The following TMEM132B variants were observed in gnomAD, a reference collection of about 807,000 sequenced individuals.
TMEM132B encodes transmembrane protein 132B.
Under a neutral mutation model 90.8 loss-of-function variants are expected in TMEM132B, and 18 were observed. The ratio of observed to expected loss-of-function variants is 0.20; its 90% CI spans 0.14 to 0.29. The LOEUF (loss-of-function observed/expected upper bound fraction) is 0.29. TMEM132B is among the 10% of genes least tolerant of loss of function. TMEM132B has a pLI of 1.00. For missense variants in TMEM132B, 1,096 were observed against 1,326.8 expected, an observed-to-expected ratio of 0.83 and a Z score of 2.70; for synonymous variants, 504 against 523.3, an observed-to-expected ratio of 0.96 and a Z score of 0.50.
chr12:125,505,189 A>AAAC (rs1882813300), intron 3 of TMEM132B, among the ~76,000 whole-genome samples: 1 of 145,548 alleles, frequency 6.9e-6, no homozygotes, highest in Non-Finnish European at 1.5e-5. Flanking sequence ...AAAAAAAAAA[A>AAAC]AAAAAACAGT....
chr12:125,506,991 G>A (rs1882862726), intron 3 of TMEM132B, among the ~76,000 whole-genome samples: 1 of 152,274 alleles, frequency 6.6e-6, no homozygotes, highest in Non-Finnish European at 1.5e-5. Flanking sequence ...GCAGGGCAGA[G>A]GGAAACTCCT....
chr12:125,431,302 T>TG (rs939576585), intron 3 of TMEM132B, among the ~76,000 whole-genome samples: 3 of 152,024 alleles, frequency 2.0e-5, no homozygotes, highest in Admixed American at 6.6e-5. Flanking sequence ...GCCTTGGTAA[T>TG]GGGGGGTCCC....
intron 1 of TMEM132B, among the ~76,000 whole-genome samples, chr12:125,268,202 C>T (rs1030526738): frequency 7.9e-5 from 12 of 152,316 alleles, no homozygotes; most frequent in African/African-American, 2.4e-4. Flanking sequence ...AATTGGGACT[C>T]GGCTTTTATA....
In TMEM132B at chr12:125,188,091, A is replaced by G. The variant is rs116234990; in HGVS notation, c.67+1225A>G. Among the ~76,000 whole-genome samples the G allele has an allele frequency of 4.5e-3, 690 of 152,306 alleles. 4 individuals carry two copies. Among genetic ancestry groups the G allele is most frequent in the African/African-American group, 0.016 (665 of 41,556 alleles). Reference sequence around the variant, plus strand: ...GTTCGATGTATTTTATTTGCATGGAAAAAGTCAGTGTCGGCTTCCTTTGAG... The same window carrying G: ...GTTCGATGTATTTTATTTGCATGGAGAAAGTCAGTGTCGGCTTCCTTTGAG... On this transcript the variant is annotated intron_variant, in intron 1 of 8. Coordinates refer to ENST00000682704, the MANE Select transcript of TMEM132B (RefSeq NM_001366854.1).
chr12:125,646,019 C>T lies in TMEM132B; in HGVS notation c.1643+1738C>T, dbSNP rs545746801. ...GACATTGTGCATGATGCATGAGGAT[C>T]ATTGTAGAGAAATCCCAAGTCACCT... On this transcript the variant is annotated intron_variant, in intron 6 of 8. Coordinates refer to ENST00000682704, the MANE Select transcript of TMEM132B (RefSeq NM_001366854.1). 1.1e-4 allele frequency among the ~76,000 whole-genome samples: 17 copies of T among 152,262 alleles called. No individual in the cohort carries two copies. In the South Asian group the frequency reaches 3.5e-3, roughly 32 times the overall value.
In TMEM132B at chr12:125,657,336, C is replaced by CGTGT. The variant is rs113651659; in HGVS notation, c.*2656_*2659dup. On this transcript the variant is annotated 3_prime_UTR_variant, in exon 9 of 9. Transcript: ENST00000682704. Reference sequence around the variant, plus strand: ...ATAAACGCATATACATACATATACCCGTGTGTGTGTGTGTGTGTGTGTGTG... The same window carrying CGTGT: ...ATAAACGCATATACATACATATACCCGTGTGTGTGTGTGTGTGTGTGTGTGTGTG... 0.053 allele frequency: 5,299 copies of CGTGT among 100,516 alleles called. 105 individuals are homozygous for CGTGT. The highest frequency in any genetic ancestry group is 0.059 in the Non-Finnish European group (2,501 of 42,174). 6.2% of individuals were successfully genotyped at this position (100,516 alleles called of 1,614,324 possible).
intron 1 of TMEM132B, among the ~76,000 whole-genome samples, chr12:125,254,025 C>T (rs1874374202): frequency 6.6e-6 from 1 of 152,152 alleles, no homozygotes; most frequent in African/African-American, 2.4e-5. Context: ...CGCGGTGGCT[C>T]ATGCCTGTAA....
intron 1 of TMEM132B, among the ~76,000 whole-genome samples, chr12:125,228,640 G>T (rs1247433854): frequency 6.6e-6 from 1 of 152,214 alleles, no homozygotes; most frequent in African/African-American, 2.4e-5. Context: ...GTTGGAACGT[G>T]TGGGGACATG....
At chr12:125,267,053 C>A (rs1281018709) in intron 1 of TMEM132B, among the ~76,000 whole-genome samples, 1 of 152,158 alleles carries the variant, frequency 6.6e-6, no homozygotes, top group African/African-American at 2.4e-5. Context: ...TCACAAAGAA[C>A]CATGCTTTCT....
rs117818243 is a variant in TMEM132B at position 125,565,498 on chromosome 12, C to T, written c.1294-18353C>T. 4.7e-3 allele frequency among the ~76,000 whole-genome samples: 721 copies of T among 152,304 alleles called. 3 individuals carry two copies. Among genetic ancestry groups the T allele is most frequent in the Non-Finnish European group, 8.8e-3 (598 of 68,036 alleles). On this transcript the variant is annotated intron_variant, in intron 4 of 8. Transcript: ENST00000682704. Reference sequence around the variant, plus strand: ...TAACCAGCTCAATGTCCCCTTGGTACCCAGGTGCTTGTCCAGTATCCAGGA... The same window carrying T: ...TAACCAGCTCAATGTCCCCTTGGTATCCAGGTGCTTGTCCAGTATCCAGGA...
chr12:125,192,810 G>C (rs1316891173), intron 1 of TMEM132B, among the ~76,000 whole-genome samples: 1 of 152,242 alleles, frequency 6.6e-6, no homozygotes, highest in African/African-American at 2.4e-5. Context: ...AGAGATGTCA[G>C]TGTCACAATC....
At chr12:125,310,448 T>C (rs1876095267) in intron 1 of TMEM132B, among the ~76,000 whole-genome samples, 1 of 152,210 alleles carries the variant, frequency 6.6e-6, no homozygotes, top group African/African-American at 2.4e-5. Context: ...CCTCCCATTT[T>C]ACAGTTGAGG....
intron 3 of TMEM132B, among the ~76,000 whole-genome samples, chr12:125,477,925 G>A (rs930466222): frequency 1.3e-5 from 2 of 149,324 alleles, no homozygotes; most frequent in African/African-American, 4.8e-5. Context: ...TTGCTGTTCT[G>A]CAATATTTGC....
chr12:125,471,325 A>G (rs931792329), intron 3 of TMEM132B, among the ~76,000 whole-genome samples: 2 of 152,206 alleles, frequency 1.3e-5, no homozygotes, highest in African/African-American at 4.8e-5. Flanking sequence ...TGAAATAAAA[A>G]TGAAACTATG....
At chr12:125,258,108 C>T (rs990525365) in intron 1 of TMEM132B, among the ~76,000 whole-genome samples, 22 of 152,198 alleles carry the variant, frequency 1.4e-4, no homozygotes, top group East Asian at 3.8e-4. Flanking sequence ...CAGGGAGCCT[C>T]TTGTGTGTAG....
At chr12:125,560,164 G>A (rs1442047998) in intron 4 of TMEM132B, among the ~76,000 whole-genome samples, 2 of 152,200 alleles carry the variant, frequency 1.3e-5, no homozygotes, top group Non-Finnish European at 2.9e-5. Context: ...GCTGGAACGT[G>A]AACCAATCAC....
rs538843959 is a variant in TMEM132B, at chr12:125,443,304, G to A, written c.1106+27627G>A. Among the ~76,000 whole-genome samples, 87 of 152,230 alleles carry A rather than the reference G, an allele frequency of 5.7e-4. 1 individual carries two copies. In the South Asian group the frequency reaches 0.018, roughly 31 times the overall value. ...TCGTAAACTATTGAGGGGAGAAGAG[G>A]GCCAGTTGTAATTTTCAGGTCCTTA... On this transcript the variant is annotated intron_variant, in intron 3 of 8. Coordinates refer to ENST00000682704, the MANE Select transcript of TMEM132B (RefSeq NM_001366854.1).
At chr12:125,257,683 T>C (rs1297271648) in intron 1 of TMEM132B, among the ~76,000 whole-genome samples, 1 of 152,170 alleles carries the variant, frequency 6.6e-6, no homozygotes, top group Non-Finnish European at 1.5e-5. Context: ...ATGGGGAGGT[T>C]ATCCTGGATT....
intron 1 of TMEM132B, among the ~76,000 whole-genome samples, chr12:125,348,496 TGTG>T (rs1877439546): frequency 1.8e-5 from 2 of 112,728 alleles, no homozygotes; most frequent in African/African-American, 9.1e-5. Flanking sequence ...GGATAATTTT[TGTG>T]TTTTTTTTTT....
Sources: gnomAD v4.1 joint callset for allele counts (sites outside exome capture counted in the v4.1 genomes callset) on GRCh38, gnomAD v4.1.1 for gene constraint, MANE v1.5 for transcripts, NCBI Gene and HGNC (gene_info 2026-07-23, HGNC 2026-07-21) for gene names.